Variants in MDGA2 observed in about 807,000 individuals in gnomAD.
The protein encoded by MDGA2 is MAM domain containing glycosylphosphatidylinositol anchor 2.
A neutral mutation model predicts 117.8 loss-of-function variants in MDGA2; 40 were observed. That is an observed-to-expected ratio of 0.34 (90% CI 0.26 to 0.44). The LOEUF (loss-of-function observed/expected upper bound fraction) is 0.44. MDGA2 is among the 20% of genes least tolerant of loss of function. The pLI is 1.00. For synonymous variants in MDGA2, 452 were observed against 439.0 expected, an observed-to-expected ratio of 1.03 and a Z score of -0.37; for missense variants, 1,123 against 1,250.6, an observed-to-expected ratio of 0.90 and a Z score of 1.54.
intron 3 of MDGA2, among the ~76,000 whole-genome samples, chr14:47,159,444 TAGTC>T (rs1295912327): frequency 6.6e-6 from 1 of 152,230 alleles, no homozygotes; most frequent in Non-Finnish European, 1.5e-5. Context: ...TTTTCTAATT[TAGTC>T]AATCATTCCC....
intron 9 of MDGA2, among the ~76,000 whole-genome samples, chr14:46,954,392 G>C (rs1452842029): frequency 6.6e-6 from 1 of 152,028 alleles, no homozygotes; most frequent in Non-Finnish European, 1.5e-5. Context: ...ACGACAAACA[G>C]CCACAAACTG....
In MDGA2 at chr14:47,613,507, G is replaced by A. The variant is rs201152122; in HGVS notation, c.280+61010C>T. 3.3e-3 allele frequency among the ~76,000 whole-genome samples: 327 copies of A among 97,832 alleles called. 2 individuals are homozygous for A. The highest frequency in any genetic ancestry group is 0.012 in the African/African-American group (279 of 23,182). 64.2% of individuals were successfully genotyped at this position (97,832 alleles called of 152,430 possible). A position where few individuals can be genotyped will look rare whatever the true frequency, so the allele number is the denominator to read the frequency against. Reference sequence around the variant, plus strand: ...CACACACACACACACACACACACACGCACACGCACACCCACCAACCATCCC... The same window carrying A: ...CACACACACACACACACACACACACACACACGCACACCCACCAACCATCCC... On this transcript the variant is annotated intron_variant, in intron 1 of 16. Transcript: ENST00000399232.
intron 1 of MDGA2, among the ~76,000 whole-genome samples, chr14:47,627,936 G>C (rs1226512826): frequency 1.3e-5 from 2 of 152,080 alleles, no homozygotes; most frequent in African/African-American, 2.4e-5. Flanking sequence ...AACGAACTCC[G>C]GACACGCCAC....
intron 1 of MDGA2, among the ~76,000 whole-genome samples, chr14:47,621,308 A>G (rs1316534495): frequency 1.3e-5 from 2 of 152,130 alleles, no homozygotes; most frequent in African/African-American, 2.4e-5. Flanking sequence ...TCAAACATGC[A>G]TGGGAGATTC....
chr14:47,309,098 A>G (rs1460276231), intron 1 of MDGA2, among the ~76,000 whole-genome samples: 2 of 152,164 alleles, frequency 1.3e-5, no homozygotes, highest in African/African-American at 2.4e-5. Context: ...TTCAACTTGT[A>G]TATCTATTCA....
At chr14:46,947,604 T>C (rs1885218773) in intron 9 of MDGA2, among the ~76,000 whole-genome samples, 1 of 151,944 alleles carries the variant, frequency 6.6e-6, no homozygotes, top group Admixed American at 6.6e-5. Flanking sequence ...ATCGGATGGT[T>C]TTAAAAAAGA....
At chr14:47,358,380 G>C (rs1891041058) in intron 1 of MDGA2, among the ~76,000 whole-genome samples, 2 of 152,236 alleles carry the variant, frequency 1.3e-5, no homozygotes, top group Non-Finnish European at 1.5e-5. Flanking sequence ...AACCTTTCTT[G>C]GTTGTGGTCA....
At chr14:47,177,422 C>T (rs1287262086) in intron 3 of MDGA2, among the ~76,000 whole-genome samples, 1 of 152,110 alleles carries the variant, frequency 6.6e-6, no homozygotes, top group Admixed American at 6.5e-5. Context: ...CAATGATAGA[C>T]TGGATTAAGA....
chr14:47,347,989 T>C (rs1006693746), intron 1 of MDGA2, among the ~76,000 whole-genome samples: 1 of 152,094 alleles, frequency 6.6e-6, no homozygotes, highest in Non-Finnish European at 1.5e-5. Context: ...AGTGAAGTTT[T>C]AGGTGGAGAA....
intron 3 of MDGA2, among the ~76,000 whole-genome samples, chr14:47,212,471 G>A (rs1885920175): frequency 6.6e-6 from 1 of 152,124 alleles, no homozygotes; most frequent in South Asian, 2.1e-4. Flanking sequence ...GCCAAATAAT[G>A]ATACATCAAA....
rs572817643 is a variant in MDGA2 at position 47,129,323 on chromosome 14, T to C, written c.925+2391A>G. 3.3e-5 allele frequency among the ~76,000 whole-genome samples: 5 copies of C among 150,788 alleles called. No individual in the cohort carries two copies. In the East Asian group the frequency reaches 9.8e-4, roughly 29 times the overall value. ...GATCTCATTGTTCAATTCCCACCTA[T>C]GAGTGAGAATATGCGGTGTTTGGTT... On this transcript the variant is annotated intron_variant, in intron 5 of 16. Transcript: ENST00000399232.
At chr14:47,092,868 G>A (rs2138956846) in intron 6 of MDGA2, among the ~76,000 whole-genome samples, 1 of 152,164 alleles carries the variant, frequency 6.6e-6, no homozygotes. Context: ...AGCACAAGAT[G>A]TTCAGGAAAT....
chr14:47,550,667 A>C (rs1312692181), intron 1 of MDGA2, among the ~76,000 whole-genome samples: 1 of 152,234 alleles, frequency 6.6e-6, no homozygotes, highest in African/African-American at 2.4e-5. Context: ...TCCTGAAAAA[A>C]AGAAAAGACC....
At chr14:47,530,713 G>T (rs1014824805) in intron 1 of MDGA2, among the ~76,000 whole-genome samples, 15 of 152,058 alleles carry the variant, frequency 9.9e-5, no homozygotes, top group African/African-American at 3.6e-4. Flanking sequence ...CTGCCAATCT[G>T]CCTGGGAACA....
chr14:47,287,266 A>G (rs1888719113), intron 2 of MDGA2, among the ~76,000 whole-genome samples: 1 of 152,058 alleles, frequency 6.6e-6, no homozygotes, highest in Admixed American at 6.6e-5. Flanking sequence ...GTGACAAATA[A>G]GGTGTTTACT....
chr14:47,126,563 A>G (rs915409792), intron 5 of MDGA2, among the ~76,000 whole-genome samples: 2 of 152,130 alleles, frequency 1.3e-5, no homozygotes, highest in African/African-American at 2.4e-5. Context: ...AGGAAAGTTA[A>G]GAAACCACAT....
chr14:47,425,232 A>G (rs1216318829), intron 1 of MDGA2, among the ~76,000 whole-genome samples: 1 of 152,188 alleles, frequency 6.6e-6, no homozygotes, highest in African/African-American at 2.4e-5. Flanking sequence ...TTTGATATTC[A>G]CATTACAAAC....
At chr14:47,105,990 C>A (rs987749273) in intron 5 of MDGA2, among the ~76,000 whole-genome samples, 59 of 151,444 alleles carry the variant, frequency 3.9e-4, no homozygotes, top group African/African-American at 9.4e-4. Context: ...TAGCCCTCCC[C>A]CTCCTGCCCA....
At chr14:46,945,313 T>A (rs1248331791) in intron 9 of MDGA2, among the ~76,000 whole-genome samples, 3 of 152,144 alleles carry the variant, frequency 2.0e-5, no homozygotes, top group Admixed American at 1.3e-4. Context: ...GTACCTAGAA[T>A]AAGTCTTTAC....
Sources: allele counts gnomAD v4.1 joint callset (sites outside exome capture counted in the v4.1 genomes callset), GRCh38; gene constraint gnomAD v4.1.1; transcripts MANE v1.5; gene names NCBI Gene and HGNC (gene_info 2026-07-23, HGNC 2026-07-21).